The following ULK4 variants were observed in gnomAD, a reference collection of about 807,000 sequenced individuals.
ULK4 encodes unc-51 like kinase 4.
Under a neutral mutation model 160.6 loss-of-function variants are expected in ULK4, and 133 were observed. That is an observed-to-expected ratio of 0.83 (90% CI 0.72 to 0.96). ULK4 has a LOEUF of 0.96. Among genes scored for constraint, ULK4 ranks in the 40% least tolerant of loss-of-function variants. The pLI, the probability that ULK4 is intolerant of heterozygous loss-of-function variation, is 0.00. For synonymous variants in ULK4, 534 were observed against 539.8 expected (o/e 0.99, Z 0.15); for missense variants, 1,580 against 1,499.5 (o/e 1.05, Z -0.89).
intron 3 of ULK4, 114 bp from the exon 4 acceptor site, chr3:41,936,054 C>A (rs555792371): frequency 7.3e-7 from 1 of 1,362,218 alleles, no homozygotes; most frequent in East Asian, 2.4e-5. Context: ...ACAGTAAACG[C>A]TGACAGCCTG....
At chr3:41,936,773 TAGTGGGGAGGTG>T in intron 3 of ULK4, among the ~76,000 whole-genome samples, 1 of 152,018 alleles carries the variant, frequency 6.6e-6, no homozygotes, top group African/African-American at 2.4e-5. Flanking sequence ...TTGGGAAGGA[TAGTGGGGAGGTG>T]GTGGGGGAGT....
intron 32 of ULK4, among the ~76,000 whole-genome samples, chr3:41,519,061 G>A (rs1281631901): frequency 6.6e-6 from 1 of 152,118 alleles, no homozygotes; most frequent in Non-Finnish European, 1.5e-5. Flanking sequence ...TGCTGGAATC[G>A]CTCCTCTGTT....
chr3:41,774,231 TTAAAC>T (rs2039517400), intron 21 of ULK4, among the ~76,000 whole-genome samples: 1 of 151,506 alleles, frequency 6.6e-6, no homozygotes, highest in Admixed American at 6.6e-5. Flanking sequence ...TGGGATCTAA[TTAAAC>T]TAAAGAGCTT....
At chr3:41,635,798 C>T (rs2033929470) in intron 30 of ULK4, among the ~76,000 whole-genome samples, 1 of 152,168 alleles carries the variant, frequency 6.6e-6, no homozygotes, top group Admixed American at 6.5e-5. Context: ...GAACGGATAT[C>T]TACTTAAGAG....
intron 22 of ULK4, among the ~76,000 whole-genome samples, chr3:41,742,925 C>T (rs1420547921): frequency 1.3e-5 from 2 of 150,996 alleles, no homozygotes; most frequent in African/African-American, 4.9e-5. Context: ...ATCTGAAAAA[C>T]AGAGAAAAAA....
chr3:41,697,078 A>T (rs2036527665), intron 27 of ULK4, among the ~76,000 whole-genome samples: 1 of 152,184 alleles, frequency 6.6e-6, no homozygotes, highest in Admixed American at 6.5e-5. Flanking sequence ...TAAGATAATA[A>T]ATTTGTGTTG....
chr3:41,840,879 G>A (rs1362977773), intron 17 of ULK4, among the ~76,000 whole-genome samples: 3 of 151,620 alleles, frequency 2.0e-5, no homozygotes, highest in Non-Finnish European at 4.4e-5. Flanking sequence ...TGCCCCATCT[G>A]GGAAGTGAGG....
intron 35 of ULK4, among the ~76,000 whole-genome samples, chr3:41,388,189 T>A (rs1305708965): frequency 6.6e-6 from 1 of 152,202 alleles, no homozygotes; most frequent in Non-Finnish European, 1.5e-5. Flanking sequence ...GAAGTGTCTG[T>A]TCATATCCTT....
intron 21 of ULK4, among the ~76,000 whole-genome samples, chr3:41,782,305 A>G (rs1559549764): frequency 6.6e-6 from 1 of 152,082 alleles, no homozygotes; most frequent in African/African-American, 2.4e-5. Context: ...TCCTGTTTAG[A>G]TTTTTTAAGT....
intron 25 of ULK4, among the ~76,000 whole-genome samples, chr3:41,711,829 T>G (rs906836203): frequency 3.3e-5 from 5 of 152,220 alleles, no homozygotes; most frequent in African/African-American, 9.6e-5. Context: ...TTCCTTAATT[T>G]ACTACTTCCT....
In ULK4 at chr3:41,590,958, CCA is replaced by C. The variant is rs147394434; in HGVS notation, c.3120+24709_3120+24710del. ...TTTTTATTTGAAGAAAATCATAATT[CCA>C]CAGATTCAAGAGCTTAATAAACCAC... On this transcript the variant is annotated intron_variant, in intron 31 of 36. Coordinates refer to ENST00000301831, the MANE Select transcript of ULK4 (RefSeq NM_017886.4). Among the ~76,000 whole-genome samples the C allele has an allele frequency of 6.0e-3, 906 of 151,790 alleles. 8 individuals carry two copies. The highest frequency in any genetic ancestry group is 0.017 in the Middle Eastern group (5 of 290).
chr3:41,788,185 T>C (rs572657897), intron 21 of ULK4, among the ~76,000 whole-genome samples: 11 of 152,340 alleles, frequency 7.2e-5, no homozygotes, highest in African/African-American at 1.9e-4. Flanking sequence ...TACCTCTATT[T>C]GGACTTCCAA....
chr3:41,559,551 T>C (rs2125591354), intron 32 of ULK4, among the ~76,000 whole-genome samples: 2 of 151,688 alleles, frequency 1.3e-5, no homozygotes, highest in South Asian at 4.2e-4. Context: ...TTTCCTGACT[T>C]TTTAATGATT....
chr3:41,752,567 C>T (rs1188561643), intron 22 of ULK4, among the ~76,000 whole-genome samples: 7 of 152,162 alleles, frequency 4.6e-5, no homozygotes, highest in African/African-American at 1.4e-4. Context: ...AATGTAATGA[C>T]ATCCTGAAAC....
At chr3:41,591,260 G>A (rs1017004660) in intron 31 of ULK4, among the ~76,000 whole-genome samples, 2 of 152,124 alleles carry the variant, frequency 1.3e-5, no homozygotes, top group Non-Finnish European at 2.9e-5. Flanking sequence ...AAAGATGAAG[G>A]TGAAATAAAA....
At chr3:41,471,196 A>G (rs1394389717) in intron 32 of ULK4, among the ~76,000 whole-genome samples, 1 of 152,170 alleles carries the variant, frequency 6.6e-6, no homozygotes, top group Non-Finnish European at 1.5e-5. Flanking sequence ...GGGCAGAGAG[A>G]CTTCTATTTA....
intron 30 of ULK4, among the ~76,000 whole-genome samples, chr3:41,645,718 C>G (rs1575522636): frequency 1.3e-5 from 2 of 152,224 alleles, no homozygotes; most frequent in African/African-American, 4.8e-5. Context: ...CTGCTTGGTG[C>G]AGAGCTGAGT....
chr3:41,812,411 T>C (rs577682034), intron 19 of ULK4, among the ~76,000 whole-genome samples: 2 of 152,290 alleles, frequency 1.3e-5, no homozygotes, highest in Admixed American at 1.3e-4. Flanking sequence ...TGAAAAACTT[T>C]TGGTGGAACA....
In ULK4 at chr3:41,735,564, A is replaced by G. The variant is rs528065550; in HGVS notation, c.2322-17703T>C. ...CTGGAATAACATGTAAATTGTAGAT[A>G]TCCATTCCATTTGAATTCATTCTGG... is the stretch of plus-strand genomic sequence containing the variant. On this transcript the variant is annotated intron_variant, in intron 22 of 36. Coordinates refer to ENST00000301831, the MANE Select transcript of ULK4 (RefSeq NM_017886.4). Among the ~76,000 whole-genome samples the G allele has an allele frequency of 1.1e-4, 17 of 152,184 alleles. No individual in the cohort carries two copies. In the East Asian group the frequency reaches 3.1e-3, roughly 28 times the overall value.
Sources: gnomAD v4.1 joint callset for allele counts (sites outside exome capture counted in the v4.1 genomes callset) on GRCh38, gnomAD v4.1.1 for gene constraint, MANE v1.5 for transcripts, NCBI Gene and HGNC (gene_info 2026-07-23, HGNC 2026-07-21) for gene names.